Variants in PDE4D observed in about 807,000 individuals in gnomAD.
PDE4D encodes 3',5'-cyclic-AMP phosphodiesterase 4D.
A neutral mutation model predicts 87.4 loss-of-function variants in PDE4D; 24 were observed. That is an observed-to-expected ratio of 0.27 (90% CI 0.20 to 0.39). PDE4D has a LOEUF of 0.39. PDE4D is among the 10% of genes least tolerant of loss of function. The pLI, the probability that PDE4D is intolerant of heterozygous loss-of-function variation, is 1.00. For synonymous variants in PDE4D, 384 were observed against 383.2 expected, an observed-to-expected ratio of 1.00 and a Z score of -0.02; for missense variants, 714 against 1,041.0, an observed-to-expected ratio of 0.69 and a Z score of 4.32.
chr5:59,183,429 A>G (rs979695214), intron 4 of PDE4D, among the ~76,000 whole-genome samples: 5 of 152,140 alleles, frequency 3.3e-5, no homozygotes, highest in Admixed American at 1.3e-4. Context: ...CAGGCCTCAG[A>G]TCGTCTCTGG....
chr5:60,243,690 CA>C (rs1158967167), intron 1 of PDE4D, among the ~76,000 whole-genome samples: 9 of 151,820 alleles, frequency 5.9e-5, no homozygotes, highest in Non-Finnish European at 1.3e-4. Flanking sequence ...TAGATCATAT[CA>C]ACAGAATGAA....
chr5:59,605,563 T>A (rs750378230), intron 1 of PDE4D, among the ~76,000 whole-genome samples: 1 of 152,106 alleles, frequency 6.6e-6, no homozygotes, highest in Non-Finnish European at 1.5e-5. Context: ...TAGGCTAAAA[T>A]TGATCTCATT....
intron 1 of PDE4D, among the ~76,000 whole-genome samples, chr5:60,222,961 C>T (rs1203751904): frequency 6.6e-6 from 1 of 152,076 alleles, no homozygotes; most frequent in African/African-American, 2.4e-5. Context: ...TAAGCTATAA[C>T]TCAATTACTG....
intron 8 of PDE4D, among the ~76,000 whole-genome samples, chr5:58,991,588 C>T (rs1747926435): frequency 6.6e-6 from 1 of 152,022 alleles, no homozygotes; most frequent in African/African-American, 2.4e-5. Flanking sequence ...AGATTTCTAA[C>T]TCTTTAAGGC....
chr5:59,611,568 G>A (rs1014211748), intron 1 of PDE4D, among the ~76,000 whole-genome samples: 2 of 152,032 alleles, frequency 1.3e-5, no homozygotes, highest in African/African-American at 4.8e-5. Context: ...ACTTCTTAAG[G>A]GCAGGGTTTA....
intron 1 of PDE4D, among the ~76,000 whole-genome samples, chr5:59,473,288 G>T (rs571760631): frequency 6.6e-6 from 1 of 151,970 alleles, no homozygotes; most frequent in Non-Finnish European, 1.5e-5. Context: ...TCTAATCAAA[G>T]CTTTAATTCT....
intron 1 of PDE4D, among the ~76,000 whole-genome samples, chr5:59,399,989 C>G (rs1582395660): frequency 8.6e-6 from 1 of 116,250 alleles, no homozygotes; most frequent in Non-Finnish European, 1.8e-5. Context: ...AAAATGCTCA[C>G]CATCACTGGC....
chr5:60,360,782 G>A (rs942650010), intron 1 of PDE4D, among the ~76,000 whole-genome samples: 18 of 152,296 alleles, frequency 1.2e-4, no homozygotes, highest in Admixed American at 3.9e-4. Context: ...CTGTGCTCTT[G>A]TTATCATCAG....
intron 1 of PDE4D, among the ~76,000 whole-genome samples, chr5:60,405,712 T>C (rs1174078601): frequency 6.6e-6 from 1 of 152,260 alleles, no homozygotes; most frequent in African/African-American, 2.4e-5. Flanking sequence ...AGCAGATACT[T>C]CTACTGAGTA....
At chr5:60,314,640 C>T (rs997874385) in intron 1 of PDE4D, among the ~76,000 whole-genome samples, 47 of 152,052 alleles carry the variant, frequency 3.1e-4, no homozygotes, top group African/African-American at 1.1e-3. Flanking sequence ...TCCCCCACAC[C>T]CCCACCCCAC....
intron 1 of PDE4D, among the ~76,000 whole-genome samples, chr5:60,305,070 C>CAA (rs1554202243): frequency 2.0e-5 from 3 of 146,854 alleles, no homozygotes; most frequent in Non-Finnish European, 3.0e-5. Context: ...CACACACACA[C>CAA]AACACACAAC....
At chr5:59,617,947 ACTT>A (rs766997357) in intron 1 of PDE4D, among the ~76,000 whole-genome samples, 9 of 151,900 alleles carry the variant, frequency 5.9e-5, no homozygotes, top group Non-Finnish European at 1.3e-4. Flanking sequence ...AGCTCATTCT[ACTT>A]CTAGCTTTTC....
chr5:60,311,375 G>A (rs550642136), intron 1 of PDE4D, among the ~76,000 whole-genome samples: 1 of 152,316 alleles, frequency 6.6e-6, no homozygotes, highest in African/African-American at 2.4e-5. Flanking sequence ...CCTTTCAGCA[G>A]AAACCCTACA....
chr5:59,106,694 A>T (rs1407040859), intron 5 of PDE4D, among the ~76,000 whole-genome samples: 1 of 152,204 alleles, frequency 6.6e-6, no homozygotes, highest in African/African-American at 2.4e-5. Context: ...CGGGAGGCGG[A>T]GTTTGCGGTG....
intron 2 of PDE4D, among the ~76,000 whole-genome samples, chr5:59,993,339 T>G (rs1763201890): frequency 6.6e-6 from 1 of 152,162 alleles, no homozygotes; most frequent in South Asian, 2.1e-4. Context: ...ACAAAGATGT[T>G]CACTGCAGCT....
chr5:60,272,523 T>A (rs1453601669), intron 1 of PDE4D, among the ~76,000 whole-genome samples: 1 of 152,162 alleles, frequency 6.6e-6, no homozygotes, highest in East Asian at 1.9e-4. Context: ...GGTTTATCAC[T>A]CAACAGAGAA....
chr5:59,604,197 C>T (rs193014991), intron 1 of PDE4D, among the ~76,000 whole-genome samples: 53 of 149,278 alleles, frequency 3.6e-4, no homozygotes, highest in African/African-American at 1.3e-3. Flanking sequence ...CTCTTATTAC[C>T]ACTTTATTTA....
chr5:59,492,560 CA>C (rs1443117073), intron 1 of PDE4D, among the ~76,000 whole-genome samples: 3 of 152,164 alleles, frequency 2.0e-5, no homozygotes, highest in Admixed American at 6.5e-5. Context: ...ATTAAACCCT[CA>C]AATTAGTGTG....
intron 1 of PDE4D, among the ~76,000 whole-genome samples, chr5:59,256,725 A>G (rs1191168102): frequency 6.6e-6 from 1 of 151,964 alleles, no homozygotes; most frequent in Non-Finnish European, 1.5e-5. Flanking sequence ...GAGTGATTCT[A>G]TTTAGCTGCA....
Sources: allele counts gnomAD v4.1 joint callset (sites outside exome capture counted in the v4.1 genomes callset), GRCh38; gene constraint gnomAD v4.1.1; transcripts MANE v1.5; gene names NCBI Gene and HGNC (gene_info 2026-07-23, HGNC 2026-07-21).